GLRX3: variants seen among roughly 807,000 people sequenced by gnomAD.
The protein encoded by GLRX3 is glutaredoxin 3, also known as glutaredoxin-3.
In GLRX3, 22 loss-of-function variants were observed where a neutral mutation model predicts 49.5. That is an observed-to-expected ratio of 0.44 (90% confidence interval 0.32 to 0.63). The LOEUF (loss-of-function observed/expected upper bound fraction) is 0.63. Ranked by LOEUF, GLRX3 falls within the 30% of genes least tolerant of loss-of-function variation. The probability of loss-of-function intolerance (pLI) is 0.05; values close to 1 mark genes in which losing one functional copy is unlikely to be tolerated. For synonymous variants in GLRX3, 133 were observed against 140.0 expected, an observed-to-expected ratio of 0.95 and a Z score of 0.35; for missense variants, 385 against 396.3, an observed-to-expected ratio of 0.97 and a Z score of 0.24.
At chr10:130,141,370 G>A (rs924757403) in intron 1 of GLRX3, among the ~76,000 whole-genome samples, 11 of 152,110 alleles carry the variant, frequency 7.2e-5, no homozygotes, top group African/African-American at 2.7e-4. Flanking sequence ...AGAAATTGAA[G>A]TATTACATAC....
chr10:130,150,055 G>A (rs73389592), intron 2 of GLRX3, among the ~76,000 whole-genome samples: 5,742 of 151,048 alleles, frequency 0.038, 204 homozygotes, highest in East Asian at 0.1. Flanking sequence ...TGGCTAACAC[G>A]GTGAAACCCC....
At chr10:130,156,160 GC>G (rs1329577242) in intron 2 of GLRX3, among the ~76,000 whole-genome samples, 1 of 152,192 alleles carries the variant, frequency 6.6e-6, no homozygotes, top group Non-Finnish European at 1.5e-5. Flanking sequence ...AGTTCTAGAG[GC>G]TGGGAAATCC....
At chr10:130,148,766 G>A (rs1052334348) in intron 2 of GLRX3, among the ~76,000 whole-genome samples, 9 of 151,856 alleles carry the variant, frequency 5.9e-5, no homozygotes, top group East Asian at 3.9e-4. Context: ...TGATATGGTC[G>A]TAAAGTGTAT....
intron 2 of GLRX3, among the ~76,000 whole-genome samples, chr10:130,148,418 A>C: frequency 8.0e-6 from 1 of 124,464 alleles, no homozygotes; most frequent in Admixed American, 9.3e-5. Flanking sequence ...GATGTGAGCC[A>C]CTTTGCCCTT....
intron 2 of GLRX3, among the ~76,000 whole-genome samples, chr10:130,151,768 A>G (rs945862445): frequency 1.3e-5 from 2 of 151,950 alleles, no homozygotes; most frequent in African/African-American, 4.8e-5. Flanking sequence ...TATCCAGTCT[A>G]TTATTGTTGG....
chr10:130,173,131 C>A (rs957768968), intron 8 of GLRX3, among the ~76,000 whole-genome samples: 10 of 152,154 alleles, frequency 6.6e-5, no homozygotes, highest in African/African-American at 2.4e-4. Context: ...TGCTGCGGGT[C>A]CACAGTGAGA....
intron 7 of GLRX3, among the ~76,000 whole-genome samples, chr10:130,170,788 A>G (rs1862791499): frequency 6.6e-6 from 1 of 152,202 alleles, no homozygotes; most frequent in Non-Finnish European, 1.5e-5. Flanking sequence ...TGTGGCATGA[A>G]AAAAGCTTAA....
At position 130,160,878 on chromosome 10, in the gene GLRX3, C is replaced by T. The variant is rs762458162; in HGVS notation, c.359C>T (p.Ser120Phe). 2.2e-5 allele frequency: 36 copies of T among 1,610,962 alleles called. No homozygotes were observed. In the South Asian group the frequency reaches 3.6e-4, roughly 16 times the overall value. The stretch of plus-strand genomic sequence containing the variant: ...GTTCAGCGACATGCATCTAGTGGCT[C>T]CTTCCTACCCAGCGCTAATGAACAT... Reference protein sequence around the residue: ...KKVQRHASSGSFLPSANEHLK... With the variant: ...KKVQRHASSGFFLPSANEHLK... Residue 120 changes from serine (S) to phenylalanine (F), a missense_variant, in exon 4 of 11, where the codon TCC becomes TTC. Ser to Phe is a radical substitution (Grantham distance 155). Around this residue, in one of 2 missense-constraint regions of GLRX3, gnomAD observed 374 missense variants for 358.6 expected, o/e 1.04. Coordinates refer to ENST00000331244, the MANE Select transcript of GLRX3 (RefSeq NM_006541.5).
intron 2 of GLRX3, among the ~76,000 whole-genome samples, chr10:130,151,975 T>C (rs1274008622): frequency 6.6e-6 from 1 of 152,182 alleles, no homozygotes; most frequent in African/African-American, 2.4e-5. Context: ...AGTCTTTTAA[T>C]TGGGGCATTT....
chr10:130,140,185 G>C (rs559139711), intron 1 of GLRX3, among the ~76,000 whole-genome samples: 48 of 152,170 alleles, frequency 3.2e-4, no homozygotes, highest in South Asian at 4.1e-4. Context: ...ATCTGCAGAT[G>C]AATGTAGTAG....
intron 2 of GLRX3, among the ~76,000 whole-genome samples, chr10:130,151,686 G>C (rs1862380112): frequency 6.6e-6 from 1 of 152,114 alleles, no homozygotes; most frequent in Non-Finnish European, 1.5e-5. Flanking sequence ...CCATGTCCCT[G>C]TAAAGGACAT....
intron 6 of GLRX3, among the ~76,000 whole-genome samples, chr10:130,168,889 A>C (rs1029578047): frequency 5.3e-5 from 8 of 152,228 alleles, no homozygotes; most frequent in African/African-American, 1.9e-4. Flanking sequence ...AGATAATTAA[A>C]ATTCCTGACA....
chr10:130,136,567 G>C, intron 1 of GLRX3, 55 bp downstream of exon 1: 1 of 1,244,600 alleles, frequency 8.0e-7, no homozygotes, highest in Non-Finnish European at 1.0e-6. Context: ...GCGGCCGCGA[G>C]ACCGGGCCGG....
chr10:130,166,777 C>T (rs1430704318), intron 5 of GLRX3, 98 bp downstream of exon 5: 2 of 967,614 alleles, frequency 2.1e-6, no homozygotes, highest in African/African-American at 3.3e-5. Context: ...TCTTATGAAT[C>T]TATATTTACT....
At chr10:130,166,355 G>T in intron 4 of GLRX3, 152 bp from the exon 5 acceptor site, 5 of 527,068 alleles carry the variant, frequency 9.5e-6, no homozygotes, top group Admixed American at 6.9e-5. Flanking sequence ...TTTTCTCTTT[G>T]TATATTATTC....
At position 130,166,925 on chromosome 10, in the gene GLRX3, G is replaced by A; in HGVS notation, c.658G>A (p.Glu220Lys). ...IGGLDIIKEL[E>K]ASEELDTICP... Reference sequence around the variant, plus strand: ...GTATGTGTGCTTATTTTAGGAGCTAGAAGCATCTGAAGAACTAGATACAAT... The same window carrying A: ...GTATGTGTGCTTATTTTAGGAGCTAAAAGCATCTGAAGAACTAGATACAAT... The change falls in exon 6 of 11, where the codon GAA becomes AAA. Residue 220 changes from glutamate (E) to lysine (K), a missense_variant. Glu to Lys is a moderately conservative substitution (Grantham distance 56). Around this residue, in one of 2 missense-constraint regions of GLRX3, gnomAD observed 374 missense variants for 358.6 expected, o/e 1.04. Transcript: ENST00000331244. The A allele has an allele frequency of 6.3e-7, 1 of 1,586,554 alleles. No individual in the cohort carries two copies. Among genetic ancestry groups the A allele is most frequent in the Non-Finnish European group, 8.6e-7 (1 of 1,162,996 alleles).
In GLRX3 at chr10:130,141,312, A is replaced by AT. The variant is rs1192833721; in HGVS notation, c.93-3889dup. Reference sequence around the variant, plus strand: ...CCTGTCTCAAAAAAAGAAAAAAAAAATTTTTTTTTTGGTCAATTTGGTGGA... The same window carrying AT: ...CCTGTCTCAAAAAAAGAAAAAAAAAATTTTTTTTTTTGGTCAATTTGGTGGA... On this transcript the variant is annotated intron_variant, in intron 1 of 10. Transcript: ENST00000331244. Among the ~76,000 whole-genome samples, 377 of 150,958 alleles carry AT rather than the reference A, an allele frequency of 2.5e-3. 1 individual carries two copies. Among genetic ancestry groups the AT allele is most frequent in the African/African-American group, 8.5e-3 (350 of 41,156 alleles).
intron 2 of GLRX3, among the ~76,000 whole-genome samples, chr10:130,152,165 C>A (rs982260510): frequency 2.6e-5 from 4 of 151,964 alleles, no homozygotes; most frequent in African/African-American, 4.8e-5. Flanking sequence ...ATTACAGGCA[C>A]CTGCCACCAT....
Position 130,166,549 on chromosome 10 carries a change from T to C in GLRX3, c.521T>C (p.Ile174Thr). The change falls in exon 5 of 11, where the codon ATT (isoleucine) becomes ACT (threonine). Residue 174 changes from isoleucine (I) to threonine (T), a missense_variant. By Grantham distance (89) the Ile-to-Thr change is moderately conservative (BLOSUM62 -1). This residue lies in a region of GLRX3 where 374 missense variants were observed against 358.6 expected (regional missense o/e 1.04). Transcript: ENST00000331244. The stretch of plus-strand genomic sequence containing the variant: ...GTGGAAATTCTTCACAAACATAATA[T>C]TCAGTTTAGCAGTTTTGATATCTTC... ...QMVEILHKHN[I>T]QFSSFDIFSD... 2.5e-6 allele frequency: 4 copies of C among 1,613,276 alleles called. No individual in the cohort carries two copies. Among genetic ancestry groups the C allele is most frequent in the Non-Finnish European group, 3.4e-6 (4 of 1,179,288 alleles).
Sources: gnomAD v4.1 joint callset for allele counts (sites outside exome capture counted in the v4.1 genomes callset) on GRCh38, gnomAD v4.1.1 for gene constraint, gnomAD v4.1.1 regional missense constraint, MANE v1.5 for transcripts, NCBI Gene and HGNC (gene_info 2026-07-23, HGNC 2026-07-21) for gene names.